The following SAMSN1 variants were observed in gnomAD, a reference collection of about 807,000 sequenced individuals.
SAMSN1 encodes the protein SAM domain, SH3 domain and nuclear localization signals 1, also known as SAM domain-containing protein SAMSN-1.
A neutral mutation model predicts 42.0 loss-of-function variants in SAMSN1; 31 were observed. The ratio of observed to expected loss-of-function variants is 0.74; its 90% CI spans 0.55 to 1.00. The LOEUF (loss-of-function observed/expected upper bound fraction) is 1.00, where lower values mean the gene tolerates loss of function less well. SAMSN1 is among the 50% of genes least tolerant of loss of function. The pLI, the probability that SAMSN1 is intolerant of heterozygous loss-of-function variation, is 0.00. For missense variants in SAMSN1, 464 were observed against 439.4 expected (o/e 1.06, Z -0.50); for synonymous variants, 178 against 151.9 (o/e 1.17, Z -1.26).
At chr21:14,487,985 CTTCT>C (rs778733162) in intron 7 of SAMSN1, among the ~76,000 whole-genome samples, 1 of 151,944 alleles carries the variant, frequency 6.6e-6, no homozygotes, top group Non-Finnish European at 1.5e-5. Context: ...GTCATTCACT[CTTCT>C]TTCTAAGCCC....
At chr21:14,535,790 C>A (rs558129076) in intron 1 of SAMSN1, among the ~76,000 whole-genome samples, 53 of 152,196 alleles carry the variant, frequency 3.5e-4, no homozygotes, top group Non-Finnish European at 6.3e-4. Flanking sequence ...ACAGATCCTT[C>A]CTTGAAAGCT....
rs148158424 is a variant in SAMSN1, at chr21:14,509,834, A to G, written c.561+476T>C. Among the ~76,000 whole-genome samples, 758 of 152,178 alleles carry G rather than the reference A, an allele frequency of 5.0e-3. 4 individuals are homozygous for G. Among genetic ancestry groups the G allele is most frequent in the South Asian group, 0.012 (59 of 4,820 alleles). The stretch of plus-strand genomic sequence containing the variant: ...CTGATACCCCGACTCCACCTCACAT[A>G]TTTTATTCAAATTCTTAGCACTGGG... On this transcript the variant is annotated intron_variant, in intron 5 of 7. Coordinates refer to ENST00000400566, the MANE Select transcript of SAMSN1 (RefSeq NM_022136.5).
intron 2 of SAMSN1, among the ~76,000 whole-genome samples, chr21:14,622,052 C>T (rs1441532478): frequency 6.6e-6 from 1 of 152,248 alleles, no homozygotes; most frequent in South Asian, 2.1e-4. Flanking sequence ...AACATACCTG[C>T]AGCTGAGGGT....
At chr21:14,499,405 A>T (rs374550666) in intron 6 of SAMSN1, among the ~76,000 whole-genome samples, 1 of 151,858 alleles carries the variant, frequency 6.6e-6, no homozygotes, top group South Asian at 2.1e-4. Flanking sequence ...TAATTTCAAT[A>T]TCCTTATTTT....
chr21:14,523,168 C>T (rs961417862), intron 1 of SAMSN1: 1 of 152,108 alleles, frequency 6.6e-6, no homozygotes, highest in Non-Finnish European at 1.5e-5. Flanking sequence ...TACAAGGCAA[C>T]TTCAAGGGCT....
At chr21:14,506,189 C>G (rs902670531) in intron 5 of SAMSN1, among the ~76,000 whole-genome samples, 3 of 151,916 alleles carry the variant, frequency 2.0e-5, no homozygotes, top group Admixed American at 6.6e-5. Flanking sequence ...ACAAACCAAA[C>G]TCAAACACAG....
chr21:14,574,164 C>G lies in SAMSN1; in HGVS notation c.261+7972G>C, dbSNP rs140014638. Among the ~76,000 whole-genome samples the G allele has an allele frequency of 3.5e-3, 526 of 152,210 alleles. 2 individuals carry two copies. The highest frequency in any genetic ancestry group is 6.8e-3 in the Middle Eastern group (2 of 294). On this transcript the variant is annotated intron_variant, in intron 2 of 8. Coordinates refer to the SAMSN1 transcript ENST00000285670. ...CTCTAAGTAAAAAGGACATTTAGGT[C>G]TTTCATGGCTAATAAGCATATTGGG...
At chr21:14,563,964 G>A (rs187198396) in intron 2 of SAMSN1, among the ~76,000 whole-genome samples, 101 of 152,264 alleles carry the variant, frequency 6.6e-4, no homozygotes, top group Non-Finnish European at 1.2e-3. Flanking sequence ...GTATCTGCAT[G>A]GGGTGGCCAA....
chr21:14,558,269 G>T (rs766220589), intron 2 of SAMSN1, among the ~76,000 whole-genome samples: 1 of 151,904 alleles, frequency 6.6e-6, no homozygotes, highest in Non-Finnish European at 1.5e-5. Context: ...TGCAGAATCC[G>T]TACCCCTCAA....
chr21:14,497,558 C>T (rs1986963692), intron 7 of SAMSN1, among the ~76,000 whole-genome samples: 1 of 152,196 alleles, frequency 6.6e-6, no homozygotes. Context: ...CACCGCTGCG[C>T]TCCACCCGGG....
intron 1 of SAMSN1, among the ~76,000 whole-genome samples, chr21:14,526,520 C>G (rs1285978279): frequency 6.6e-6 from 1 of 152,044 alleles, no homozygotes; most frequent in Non-Finnish European, 1.5e-5. Context: ...TTATTAGTAC[C>G]TCTCCAGTTT....
rs543718096 is a variant in SAMSN1 at position 14,642,847 on chromosome 21, A to G, written c.156+155T>C. Among the ~76,000 whole-genome samples the G allele has an allele frequency of 6.4e-4, 97 of 152,328 alleles. 2 individuals carry two copies. Among genetic ancestry groups the G allele is most frequent in the South Asian group, 6.0e-3 (29 of 4,834 alleles). On this transcript the variant is annotated intron_variant, in intron 2 of 15. Coordinates refer to the SAMSN1 transcript ENST00000647101. ...CATATTAATAAGCCAAAATCATAAA[A>G]AAGACAACAAGAAAGAGAAAAGCAG...
chr21:14,520,255 T>C (rs55753627), intron 2 of SAMSN1, among the ~76,000 whole-genome samples: 5,778 of 152,268 alleles, frequency 0.038, 347 homozygotes, highest in African/African-American at 0.13. Context: ...TCAGTGTACA[T>C]TGAAGTGTGA....
At chr21:14,535,089 G>T (rs562622675) in intron 1 of SAMSN1, among the ~76,000 whole-genome samples, 3 of 152,152 alleles carry the variant, frequency 2.0e-5, no homozygotes, top group Admixed American at 6.5e-5. Flanking sequence ...TCAGGAACAC[G>T]GGCCTCACTC....
chr21:14,487,351 A>G (rs1986482373), intron 7 of SAMSN1, among the ~76,000 whole-genome samples: 1 of 133,950 alleles, frequency 7.5e-6, no homozygotes, highest in Non-Finnish European at 1.5e-5. Context: ...TATTTTTTAT[A>G]TATATATATC....
intron 6 of SAMSN1, among the ~76,000 whole-genome samples, chr21:14,595,796 G>A (rs1021636307): frequency 3.3e-5 from 5 of 152,148 alleles, no homozygotes; most frequent in African/African-American, 1.2e-4. Flanking sequence ...CAAAGAGCAA[G>A]AGGTTTGAAG....
At chr21:14,653,799 T>A (rs964628784) in intron 1 of SAMSN1, among the ~76,000 whole-genome samples, 1 of 151,496 alleles carries the variant, frequency 6.6e-6, no homozygotes, top group African/African-American at 2.4e-5. Context: ...TACAAAAATT[T>A]TAAAAATTTG....
chr21:14,621,087 T>A (rs921690387), intron 2 of SAMSN1, among the ~76,000 whole-genome samples: 1 of 152,212 alleles, frequency 6.6e-6, no homozygotes, highest in Admixed American at 6.5e-5. Flanking sequence ...TCCTACAGAT[T>A]TTCAAAGAAG....
At chr21:14,585,110 G>A (rs185560195), upstream of SAMSN1, among the ~76,000 whole-genome samples, 29 of 152,304 alleles carry the variant, frequency 1.9e-4, 1 homozygote, top group Admixed American at 1.7e-3. Context: ...GATATGCTTA[G>A]AAGCACAAAA....
Sources: gnomAD v4.1 joint callset for allele counts (sites outside exome capture counted in the v4.1 genomes callset) on GRCh38, gnomAD v4.1.1 for gene constraint, MANE v1.5 for transcripts, NCBI Gene and HGNC (gene_info 2026-07-23, HGNC 2026-07-21) for gene names.